Variants in TMEM229B observed in about 807,000 individuals in gnomAD.
TMEM229B encodes chromosome 14 open reading frame 83.
A neutral mutation model predicts 13.7 loss-of-function variants in TMEM229B; 6 were observed. The ratio of observed to expected loss-of-function variants is 0.44; its 90% CI spans 0.24 to 0.86. The LOEUF is 0.86. TMEM229B is among the 40% of genes least tolerant of loss of function. The pLI, the probability that TMEM229B is intolerant of heterozygous loss-of-function variation, is 0.23. For synonymous variants in TMEM229B, 107 were observed against 102.1 expected (o/e 1.05, Z -0.29); for missense variants, 170 against 236.0 (o/e 0.72, Z 1.83).
chr14:67,478,424 C>T (rs1194082479), intron 2 of TMEM229B, among the ~76,000 whole-genome samples: 1 of 152,232 alleles, frequency 6.6e-6, no homozygotes, highest in African/African-American at 2.4e-5. Flanking sequence ...CTGGTTCACG[C>T]CCTCATCATG....
intron 1 of TMEM229B, among the ~76,000 whole-genome samples, chr14:67,524,157 T>C (rs1179830103): frequency 6.6e-6 from 1 of 152,096 alleles, no homozygotes; most frequent in Non-Finnish European, 1.5e-5. Context: ...TTTTAATAAG[T>C]GAAATCTCAT....
upstream of TMEM229B, chr14:67,533,752 C>T (rs897774852): frequency 7.9e-5 from 12 of 152,274 alleles, no homozygotes; most frequent in Non-Finnish European, 1.5e-5. Flanking sequence ...CGCACCCCTC[C>T]CCATCTCACC....
intron 2 of TMEM229B, among the ~76,000 whole-genome samples, chr14:67,480,045 T>A (rs1342656326): frequency 6.6e-6 from 1 of 152,180 alleles, no homozygotes; most frequent in East Asian, 1.9e-4. Context: ...AAAGTGAGGA[T>A]AACGGAAGTA....
At chr14:67,498,086 T>TTC (rs1015672152) in intron 1 of TMEM229B, among the ~76,000 whole-genome samples, 16 of 152,302 alleles carry the variant, frequency 1.1e-4, no homozygotes, top group Admixed American at 8.5e-4. Context: ...AGAGAACAAT[T>TTC]GTTTTTTCTT....
upstream of TMEM229B, among the ~76,000 whole-genome samples, chr14:67,519,550 C>A (rs970524977): frequency 6.6e-6 from 1 of 152,094 alleles, no homozygotes; most frequent in Non-Finnish European, 1.5e-5. Context: ...GGTGTAAGCC[C>A]TACTAGGTAC....
chr14:67,474,265 C>A (rs75460633), intron 2 of TMEM229B, among the ~76,000 whole-genome samples: 48 of 144,826 alleles, frequency 3.3e-4, no homozygotes, highest in African/African-American at 8.4e-4. Flanking sequence ...AAAAACAAAA[C>A]AAAAAAAAAA....
chr14:67,473,271 C>T lies in TMEM229B; in HGVS notation c.*149G>A. On this transcript the variant is annotated 3_prime_UTR_variant, in exon 3 of 3. Coordinates refer to ENST00000554480, the MANE Select transcript of TMEM229B (RefSeq NM_001348543.2). The surrounding 1 kb of genome is among the most constrained non-coding windows in gnomAD (Gnocchi z 6.5). Reference sequence around the variant, plus strand: ...ACCACGGCCCCCCAACACCGGCCCCCGCGGACGTTAGGGGGCTCTGTGTGC... The same window carrying T: ...ACCACGGCCCCCCAACACCGGCCCCTGCGGACGTTAGGGGGCTCTGTGTGC... 1 of 1,101,058 alleles carries T rather than the reference C, an allele frequency of 9.1e-7. No individual in the cohort carries two copies. Among genetic ancestry groups the T allele is most frequent in the Non-Finnish European group, 1.3e-6 (1 of 775,222 alleles). 68.2% of individuals were successfully genotyped at this position (1,101,058 alleles called of 1,614,324 possible).
chr14:67,495,371 C>T (rs180877698), intron 1 of TMEM229B, among the ~76,000 whole-genome samples: 9 of 152,298 alleles, frequency 5.9e-5, no homozygotes, highest in South Asian at 2.1e-4. Flanking sequence ...CGGGGTTAAA[C>T]TTTGGAGTGT....
upstream of TMEM229B, among the ~76,000 whole-genome samples, chr14:67,492,298 G>A (rs961886644): frequency 3.0e-4 from 46 of 152,278 alleles, no homozygotes; most frequent in East Asian, 1.7e-3. Flanking sequence ...CCTGGCCGCC[G>A]TCCCAGAGTG....
Position 67,473,216 on chromosome 14 carries a change from C to T in TMEM229B, c.*204G>A. The T allele has an allele frequency of 1.5e-6, 1 of 660,396 alleles. No homozygotes were observed. Among genetic ancestry groups the T allele is most frequent in the Non-Finnish European group, 2.5e-6 (1 of 396,740 alleles). 40.9% of individuals were successfully genotyped at this position (660,396 alleles called of 1,614,324 possible). ...ATGGACCCTTCCCAATGTCCCTCTG[C>T]TGCCTCCACACCCCATCCCCCAACA... On this transcript the variant is annotated 3_prime_UTR_variant, in exon 3 of 3. Transcript: ENST00000554480. The surrounding 1 kb of genome is among the most constrained non-coding windows in gnomAD (Gnocchi z 6.5).
intron 1 of TMEM229B, among the ~76,000 whole-genome samples, chr14:67,499,655 C>G (rs576540564): frequency 6.6e-6 from 1 of 152,120 alleles, no homozygotes; most frequent in African/African-American, 2.4e-5. Context: ...AATGCTATAT[C>G]GTGAGGAAGC....
chr14:67,516,875 G>A (rs1043511849), upstream of TMEM229B, among the ~76,000 whole-genome samples: 4 of 152,194 alleles, frequency 2.6e-5, no homozygotes, highest in East Asian at 7.7e-4. Flanking sequence ...GAGGTAGACA[G>A]CCACGTGCTA....
chr14:67,507,939 G>A (rs1167220490), intron 1 of TMEM229B, among the ~76,000 whole-genome samples: 1 of 152,142 alleles, frequency 6.6e-6, no homozygotes, highest in East Asian at 1.9e-4. Context: ...GGGAGTTCCA[G>A]ACCAGCCTGA....
intron 2 of TMEM229B, among the ~76,000 whole-genome samples, chr14:67,480,260 C>T (rs1172978440): frequency 6.6e-6 from 1 of 152,096 alleles, no homozygotes; most frequent in Non-Finnish European, 1.5e-5. Context: ...CCCTTCCTGT[C>T]AAGCAGGTTA....
chr14:67,497,766 G>A (rs942687552), intron 1 of TMEM229B, among the ~76,000 whole-genome samples: 7 of 151,876 alleles, frequency 4.6e-5, no homozygotes, highest in Admixed American at 1.3e-4. Context: ...GGAAAGTCAC[G>A]TCAACCCCAG....
chr14:67,491,777 T>C (rs899456218), upstream of TMEM229B, among the ~76,000 whole-genome samples: 4 of 152,164 alleles, frequency 2.6e-5, no homozygotes, highest in African/African-American at 7.2e-5. Flanking sequence ...ATCTGGTAAC[T>C]TCCTACACCA....
upstream of TMEM229B, among the ~76,000 whole-genome samples, chr14:67,516,840 T>C (rs1379689407): frequency 1.3e-5 from 2 of 152,146 alleles, no homozygotes; most frequent in African/African-American, 2.4e-5. Context: ...GAGGGAGTCA[T>C]GTTGGGTTCC....
upstream of TMEM229B, among the ~76,000 whole-genome samples, chr14:67,518,629 T>C (rs2033243266): frequency 6.6e-6 from 1 of 152,246 alleles, no homozygotes; most frequent in Admixed American, 6.5e-5. Flanking sequence ...CTTAGACATA[T>C]ATTCTGAAAG....
At chr14:67,523,593 A>T (rs1397513342) in intron 1 of TMEM229B, among the ~76,000 whole-genome samples, 1 of 152,180 alleles carries the variant, frequency 6.6e-6, no homozygotes, top group African/African-American at 2.4e-5. Flanking sequence ...GCAGAGGAAG[A>T]TGTGCGATTA....
Sources: gnomAD v4.1 joint callset for allele counts (sites outside exome capture counted in the v4.1 genomes callset) on GRCh38, gnomAD v4.1.1 for gene constraint, Gnocchi (gnomAD v3.1) non-coding constraint, MANE v1.5 for transcripts, NCBI Gene and HGNC (gene_info 2026-07-23, HGNC 2026-07-21) for gene names.